The following GABRG3 variants were observed in gnomAD, a reference collection of about 807,000 sequenced individuals.
The protein encoded by GABRG3 is gamma-aminobutyric acid receptor subunit gamma-3.
GABRG3 carries 25 observed loss-of-function variants against 48.8 expected under a neutral mutation model. The ratio of observed to expected loss-of-function variants is 0.51; its 90% CI spans 0.37 to 0.72. GABRG3 has a LOEUF of 0.72. Among genes scored for constraint, GABRG3 ranks in the 30% least tolerant of loss-of-function variants. The pLI is 0.00. For missense variants in GABRG3, 394 were observed against 577.9 expected (o/e 0.68, Z 3.26); for synonymous variants, 227 against 217.6 (o/e 1.04, Z -0.38).
At chr15:27,328,680 G>A (rs1489542613) in intron 4 of GABRG3, 126 bp from the exon 5 acceptor site, 4 of 690,430 alleles carry the variant, frequency 5.8e-6, no homozygotes, top group African/African-American at 1.8e-5. Flanking sequence ...CGGGCCAAGA[G>A]TGAGCCGCAC....
intron 3 of GABRG3, among the ~76,000 whole-genome samples, chr15:27,172,648 G>T (rs1210327043): frequency 6.6e-6 from 1 of 152,166 alleles, no homozygotes; most frequent in Non-Finnish European, 1.5e-5. Context: ...GCCTCCTGCA[G>T]TGTCCAGGTA....
chr15:27,043,102 C>G (rs570273136), intron 3 of GABRG3, among the ~76,000 whole-genome samples: 1 of 152,210 alleles, frequency 6.6e-6, no homozygotes, highest in African/African-American at 2.4e-5. Flanking sequence ...CTCTTCCCCC[C>G]ACCCCATCTT....
chr15:27,089,113 G>A (rs1181082133), intron 3 of GABRG3, among the ~76,000 whole-genome samples: 2 of 152,174 alleles, frequency 1.3e-5, no homozygotes, highest in Admixed American at 6.5e-5. Flanking sequence ...AAGAGCTGGG[G>A]CCATAGGGCA....
At chr15:27,016,858 A>G (rs1019342407) in intron 2 of GABRG3, among the ~76,000 whole-genome samples, 2 of 151,948 alleles carry the variant, frequency 1.3e-5, no homozygotes, top group South Asian at 4.1e-4. Context: ...TCTTTCTTCT[A>G]TCTGATCAAG....
chr15:27,168,184 G>A (rs964966735), intron 3 of GABRG3, among the ~76,000 whole-genome samples: 2 of 151,670 alleles, frequency 1.3e-5, no homozygotes, highest in South Asian at 2.1e-4. Flanking sequence ...ATGGCTTGAC[G>A]TCCAAAACCA....
intron 3 of GABRG3, among the ~76,000 whole-genome samples, chr15:27,147,680 A>G (rs906662397): frequency 6.6e-6 from 1 of 152,032 alleles, no homozygotes; most frequent in Non-Finnish European, 1.5e-5. Context: ...AAATTTGGAG[A>G]ATTCACAAAT....
At chr15:27,247,999 A>G (rs1005162255) in intron 3 of GABRG3, among the ~76,000 whole-genome samples, 1 of 152,246 alleles carries the variant, frequency 6.6e-6, no homozygotes, top group South Asian at 2.1e-4. Flanking sequence ...GTAGATGTCC[A>G]ATACCAGACA....
chr15:27,187,983 T>G (rs1397496693), intron 3 of GABRG3, among the ~76,000 whole-genome samples: 1 of 150,792 alleles, frequency 6.6e-6, no homozygotes, highest in Non-Finnish European at 1.5e-5. Context: ...CGGTGTTTGG[T>G]TTTTTGTTCT....
intron 3 of GABRG3, among the ~76,000 whole-genome samples, chr15:27,071,451 G>A (rs1896825866): frequency 6.6e-6 from 1 of 152,174 alleles, no homozygotes; most frequent in South Asian, 2.1e-4. Context: ...ATGCAGCAAC[G>A]ACACAGCAAA....
chr15:27,019,916 T>C (rs188123347), intron 2 of GABRG3, among the ~76,000 whole-genome samples: 21 of 152,308 alleles, frequency 1.4e-4, no homozygotes, highest in African/African-American at 4.8e-4. Context: ...CTTAAGTGCC[T>C]AGGGTGATTT....
At chr15:27,178,311 C>G (rs1887812698) in intron 3 of GABRG3, among the ~76,000 whole-genome samples, 1 of 152,204 alleles carries the variant, frequency 6.6e-6, no homozygotes, top group Non-Finnish European at 1.5e-5. Flanking sequence ...TGGGATGCTC[C>G]TTAACAACTG....
chr15:27,316,387 CAAAAAAA>C (rs749930128), intron 3 of GABRG3, among the ~76,000 whole-genome samples: 2 of 41,646 alleles, frequency 4.8e-5, no homozygotes, highest in Middle Eastern at 0.013. Context: ...GACTCCGTCT[CAAAAAAA>C]AAAAAAAAAA....
intron 3 of GABRG3, among the ~76,000 whole-genome samples, chr15:27,260,932 A>G (rs1312623312): frequency 6.6e-6 from 1 of 152,192 alleles, no homozygotes; most frequent in Non-Finnish European, 1.5e-5. Context: ...CAGGACAGAA[A>G]GAGGAAATCA....
intron 5 of GABRG3, among the ~76,000 whole-genome samples, chr15:27,360,779 C>T (rs1894995066): frequency 1.3e-5 from 2 of 152,236 alleles, no homozygotes; most frequent in African/African-American, 2.4e-5. Flanking sequence ...AGGGTTCCCA[C>T]ATTAGTGTTA....
chr15:27,306,689 C>CAT (rs1331419115), intron 3 of GABRG3, among the ~76,000 whole-genome samples: 1 of 87,748 alleles, frequency 1.1e-5, no homozygotes, highest in African/African-American at 4.9e-5. Flanking sequence ...TATATATGAA[C>CAT]ATGTTTATAT....
intron 6 of GABRG3, among the ~76,000 whole-genome samples, chr15:27,491,937 G>A (rs1248678332): frequency 2.6e-5 from 4 of 152,114 alleles, no homozygotes; most frequent in Non-Finnish European, 5.9e-5. Context: ...GTTATTTACA[G>A]AATTAATTTT....
chr15:27,224,067 C>T (rs1227526797), intron 3 of GABRG3, among the ~76,000 whole-genome samples: 1 of 152,044 alleles, frequency 6.6e-6, no homozygotes, highest in Admixed American at 6.5e-5. Context: ...GACTGAGCTC[C>T]GAGGAAGTAC....
chr15:27,495,714 C>A (rs1298777031), intron 6 of GABRG3, among the ~76,000 whole-genome samples: 1 of 152,120 alleles, frequency 6.6e-6, no homozygotes, highest in Non-Finnish European at 1.5e-5. Context: ...TATACCTTTG[C>A]TGAGACTCTC....
chr15:27,144,494 G>A (rs1490639381), intron 3 of GABRG3, among the ~76,000 whole-genome samples: 1 of 151,218 alleles, frequency 6.6e-6, no homozygotes, highest in Admixed American at 6.6e-5. Context: ...TTTCTTCGGA[G>A]TACTTGTTGA....
Sources: gnomAD v4.1 joint callset for allele counts (sites outside exome capture counted in the v4.1 genomes callset) on GRCh38, gnomAD v4.1.1 for gene constraint, MANE v1.5 for transcripts, NCBI Gene and HGNC (gene_info 2026-07-23, HGNC 2026-07-21) for gene names.